AJAP1: variants seen among roughly 807,000 people sequenced by gnomAD.
The protein encoded by AJAP1 is adherens junctions associated protein 1, also known as adherens junction-associated protein 1.
AJAP1 carries 5 observed loss-of-function variants against 35.0 expected under a neutral mutation model. The ratio of observed to expected loss-of-function variants is 0.14; its 90% CI spans 0.07 to 0.30. AJAP1 has a LOEUF of 0.30. Among genes scored for constraint, AJAP1 ranks in the 10% least tolerant of loss-of-function variants. The pLI is 1.00. For synonymous variants in AJAP1, 284 were observed against 249.3 expected (o/e 1.14, Z -1.31); for missense variants, 586 against 571.0 (o/e 1.03, Z -0.27).
chr1:4,758,333 T>C (rs1357686336), intron 2 of AJAP1, among the ~76,000 whole-genome samples: 1 of 152,096 alleles, frequency 6.6e-6, no homozygotes, highest in East Asian at 1.9e-4. Flanking sequence ...ATTAGTCCAT[T>C]CTCACACTGC....
At chr1:4,701,948 C>T (rs1405979818) in intron 1 of AJAP1, among the ~76,000 whole-genome samples, 3 of 152,318 alleles carry the variant, frequency 2.0e-5, no homozygotes, top group African/African-American at 7.2e-5. Flanking sequence ...CCCCGCCATG[C>T]ACAGCCATTC....
chr1:4,715,929 A>G (rs558495471), intron 2 of AJAP1, among the ~76,000 whole-genome samples: 1 of 152,250 alleles, frequency 6.6e-6, no homozygotes, highest in Admixed American at 6.5e-5. Flanking sequence ...GGGCACCCCA[A>G]AATTTGGAAT....
intron 4 of AJAP1, among the ~76,000 whole-genome samples, 183 bp downstream of exon 4, chr1:4,772,708 C>T (rs1012839235): frequency 1.3e-5 from 2 of 152,216 alleles, no homozygotes; most frequent in Non-Finnish European, 2.9e-5. Flanking sequence ...TTGATAGCAA[C>T]AGGCGTTTAG....
At position 4,787,930 on chromosome 1, in the gene AJAP1, C is replaced by T. The variant is rs117150412; in HGVS notation, c.*5445C>T. 5,128 of 330,374 alleles carry T rather than the reference C, an allele frequency of 0.016. 374 individuals carry two copies. The highest frequency in any genetic ancestry group is 0.11 in the South Asian group (4,942 of 44,428). 20.5% of individuals were successfully genotyped at this position (330,374 alleles called of 1,614,324 possible). ...AGTAAGCAGCTATTCCAAAACATGC[C>T]GTGATTCATGTAATTTTTGAGTGGT... On this transcript the variant is annotated 3_prime_UTR_variant, in exon 6 of 6. Coordinates refer to ENST00000378191, the MANE Select transcript of AJAP1 (RefSeq NM_018836.4).
intron 2 of AJAP1, among the ~76,000 whole-genome samples, chr1:4,726,270 G>A (rs1347332276): frequency 1.3e-5 from 2 of 151,432 alleles, no homozygotes; most frequent in East Asian, 1.9e-4. Context: ...TTGTGCCAGG[G>A]TGTGGTGGAG....
At position 4,734,305 on chromosome 1, in the gene AJAP1, G is replaced by T. The variant is rs1279738199; in HGVS notation, c.829+21606G>T. On this transcript the variant is annotated intron_variant, in intron 2 of 5. Transcript: ENST00000378191. The surrounding 1 kb of genome is among the most constrained non-coding windows in gnomAD (Gnocchi z 4.3). ...TATTAACAGCGCTGCGTCCATACTG[G>T]GAGCCAGGTTCTGACAGCTGACTTG... Among the ~76,000 whole-genome samples the T allele has an allele frequency of 6.6e-6, 1 of 152,146 alleles. No homozygotes were observed. The highest frequency in any genetic ancestry group is 6.5e-5 in the Admixed American group (1 of 15,274).
chr1:4,715,381 A>T (rs1177902484), intron 2 of AJAP1, among the ~76,000 whole-genome samples: 1 of 152,234 alleles, frequency 6.6e-6, no homozygotes, highest in Non-Finnish European at 1.5e-5. Context: ...TTTCTTCACC[A>T]GCAAAATTGA....
chr1:4,764,146 A>G (rs1172109468), intron 2 of AJAP1, among the ~76,000 whole-genome samples: 5 of 152,102 alleles, frequency 3.3e-5, no homozygotes, highest in African/African-American at 4.8e-5. Context: ...ACATGAGCCA[A>G]TCCCATGATA....
intron 1 of AJAP1, among the ~76,000 whole-genome samples, chr1:4,701,658 C>T (rs180681079): frequency 1.3e-5 from 2 of 152,340 alleles, no homozygotes; most frequent in East Asian, 3.9e-4. Flanking sequence ...TGAATAGTGA[C>T]AACCAAATAT....
At chr1:4,741,914 C>G (rs1483779104) in intron 2 of AJAP1, among the ~76,000 whole-genome samples, 2 of 152,362 alleles carry the variant, frequency 1.3e-5, no homozygotes, top group East Asian at 1.9e-4. Flanking sequence ...CTGGCCAAAT[C>G]AGAGACAATT....
At position 4,712,179 on chromosome 1, in the gene AJAP1, GC is replaced by G; in HGVS notation, c.313del (p.Arg105GlyfsTer48). 2 of 1,565,548 alleles carry G rather than the reference GC, an allele frequency of 1.3e-6. No individual in the cohort carries two copies. The highest frequency in any genetic ancestry group is 1.9e-5 in the Admixed American group (1 of 53,844). ...QMPRARRAHR[P>X]RDQAAALVPK... is the part of the protein sequence containing the mutation. ...TGCCTCGAGCCAGACGGGCCCACAG[GC>G]CCCGGGACCAGGCGGCCGCCCTCGT... On this transcript the variant is annotated frameshift_variant, in exon 2 of 6. Coordinates refer to ENST00000378191, the MANE Select transcript of AJAP1 (RefSeq NM_018836.4). LOFTEE classifies it high-confidence loss of function.
Position 4,771,624 on chromosome 1 carries a change from C to T in AJAP1, c.918-656C>T, listed in dbSNP as rs1002603891. Among the ~76,000 whole-genome samples the T allele has an allele frequency of 5.9e-5, 9 of 152,290 alleles. No individual in the cohort carries two copies. In the East Asian group the frequency reaches 1.6e-3, roughly 26 times the overall value. On this transcript the variant is annotated intron_variant, in intron 3 of 5. Transcript: ENST00000378191. The stretch of plus-strand genomic sequence containing the variant: ...CCTGGACAGACGAGGGTAGGAGTCC[C>T]ATGGTCACTATAAGTGGCCTCTGGA...
chr1:4,749,681 A>G (rs550628015), intron 2 of AJAP1, among the ~76,000 whole-genome samples: 3 of 152,164 alleles, frequency 2.0e-5, no homozygotes, highest in African/African-American at 7.2e-5. Context: ...AGTGACCCCA[A>G]CTCCTTAGGG....
chr1:4,697,533 T>G (rs1055418713), intron 1 of AJAP1, among the ~76,000 whole-genome samples: 4 of 152,242 alleles, frequency 2.6e-5, no homozygotes, highest in Non-Finnish European at 1.5e-5. Flanking sequence ...CCTCTTCTAC[T>G]TCTGAGTGAC....
At chr1:4,669,576 T>A (rs1639207103) in intron 1 of AJAP1, among the ~76,000 whole-genome samples, 1 of 152,186 alleles carries the variant, frequency 6.6e-6, no homozygotes, top group African/African-American at 2.4e-5. Flanking sequence ...CATGATCCAA[T>A]GACCTCCACC....
chr1:4,722,581 G>C (rs12736144), intron 2 of AJAP1, among the ~76,000 whole-genome samples: 3,362 of 152,334 alleles, frequency 0.022, 50 homozygotes, highest in Middle Eastern at 0.041. Context: ...TTCTCCAGCT[G>C]TTTTGGAGGC....
At chr1:4,758,996 C>T (rs1193264717) in intron 2 of AJAP1, among the ~76,000 whole-genome samples, 1 of 152,232 alleles carries the variant, frequency 6.6e-6, no homozygotes, top group East Asian at 1.9e-4. Context: ...CACCAGAGCT[C>T]AGGTCGGGAT....
At chr1:4,758,917 G>A (rs988215144) in intron 2 of AJAP1, among the ~76,000 whole-genome samples, 1 of 152,166 alleles carries the variant, frequency 6.6e-6, no homozygotes, top group Non-Finnish European at 1.5e-5. Context: ...CTCTTGCCCC[G>A]AGCTGGATGC....
rs538786684 is a variant in AJAP1 at position 4,692,334 on chromosome 1, C to T, written c.30-19566C>T. 5.1e-4 allele frequency among the ~76,000 whole-genome samples: 77 copies of T among 152,294 alleles called. 1 individual carries two copies. Among genetic ancestry groups the T allele is most frequent in the Non-Finnish European group, 6.5e-4 (44 of 68,026 alleles). On this transcript the variant is annotated intron_variant, in intron 1 of 5. Transcript: ENST00000378191. This position sits in a 1 kb window ranked among gnomAD's most constrained non-coding sequence, Gnocchi z 4.4. ...CTCTCCTCTCTCCGTCTCTGGGCCC[C>T]TCATGCAGCCCTTTCCCTTCTGGCC...
Sources: gnomAD v4.1 joint callset for allele counts (sites outside exome capture counted in the v4.1 genomes callset) on GRCh38, gnomAD v4.1.1 for gene constraint, Gnocchi (gnomAD v3.1) non-coding constraint, MANE v1.5 for transcripts, NCBI Gene and HGNC (gene_info 2026-07-23, HGNC 2026-07-21) for gene names.